The following STAB2 variants were observed in gnomAD, a reference collection of about 807,000 sequenced individuals.
The protein encoded by STAB2 is stabilin-2.
STAB2 carries 288 observed loss-of-function variants against 338.1 expected under a neutral mutation model. The observed-to-expected ratio is 0.85, with a 90% CI of 0.77 to 0.94. The LOEUF (loss-of-function observed/expected upper bound fraction) is 0.94. Among genes scored for constraint, STAB2 ranks in the 40% least tolerant of loss-of-function variants. The probability of loss-of-function intolerance (pLI) is 0.00; values close to 1 mark genes in which losing one functional copy is unlikely to be tolerated. For synonymous variants in STAB2, 1,202 were observed against 1,193.3 expected (o/e 1.01, Z -0.15); for missense variants, 3,141 against 3,210.1 (o/e 0.98, Z 0.52).
intron 25 of STAB2, among the ~76,000 whole-genome samples, chr12:103,681,794 G>T (rs1008822813): frequency 1.1e-4 from 17 of 151,518 alleles, no homozygotes; most frequent in African/African-American, 4.1e-4. Context: ...GCTAATTTTT[G>T]TATTTTTAGT....
At chr12:103,752,173 G>T (rs1201106871) in intron 60 of STAB2, among the ~76,000 whole-genome samples, 2 of 151,990 alleles carry the variant, frequency 1.3e-5, no homozygotes, top group Non-Finnish European at 2.9e-5. Flanking sequence ...TAACATCACA[G>T]AAAATTAGAA....
In STAB2 at chr12:103,762,374, G is replaced by T. The variant is rs372811632; in HGVS notation, c.7460G>T (p.Arg2487Leu). ...LAAYSYFRIN[R>L]RTIGFQHFES... ...GCTTACTCCTACTTTCGGATAAACC[G>T]GAGAACAATCGGCTTCCAGCATTTT... is the stretch of plus-strand genomic sequence containing the variant. The change falls in exon 67 of 69, where the codon CGG becomes CTG. Residue 2487 changes from arginine (R) to leucine (L), a missense_variant. Physicochemically the swap from Arg to Leu is moderately radical, Grantham distance 102. Transcript: ENST00000388887. 1 of 1,614,194 alleles carries T rather than the reference G, an allele frequency of 6.2e-7. No homozygotes were observed. The highest frequency in any genetic ancestry group is 8.5e-7 in the Non-Finnish European group (1 of 1,180,044).
rs114244787 is a variant in STAB2 at position 103,642,693 on chromosome 12, C to A, written c.1040+2437C>A. Among the ~76,000 whole-genome samples, 1,038 of 152,316 alleles carry A rather than the reference C, an allele frequency of 6.8e-3. 13 individuals are homozygous for A. Among genetic ancestry groups the A allele is most frequent in the African/African-American group, 0.023 (970 of 41,574 alleles). On this transcript the variant is annotated intron_variant, in intron 9 of 68. Transcript: ENST00000388887. ...TAGAAGCTCCCATTCTGGCCCTCTG[C>A]TGGCTACTCCAGGGCAAGGAATCTG...
At chr12:103,690,568 T>G in intron 30 of STAB2, 30 bp downstream of exon 30, 1 of 1,579,846 alleles carries the variant, frequency 6.3e-7, no homozygotes, top group Non-Finnish European at 8.7e-7. Flanking sequence ...TCTGTTTACT[T>G]GAAACATAAC....
intron 13 of STAB2, 65 bp from the exon 14 acceptor site, chr12:103,655,186 G>T (rs932307117): frequency 5.5e-6 from 8 of 1,463,216 alleles, no homozygotes; most frequent in Non-Finnish European, 6.6e-6. Flanking sequence ...TTAAATGTTA[G>T]AATTTGTATT....
intron 3 of STAB2, among the ~76,000 whole-genome samples, chr12:103,610,907 C>T (rs201653668): frequency 6.6e-6 from 1 of 152,164 alleles, no homozygotes; most frequent in Non-Finnish European, 1.5e-5. Context: ...TCATTGGTTT[C>T]AAAGAACATC....
chr12:103,621,996 A>G (rs368172498), intron 4 of STAB2, 46 bp from the exon 5 acceptor site: 205 of 1,600,666 alleles, frequency 1.3e-4, no homozygotes, highest in Non-Finnish European at 1.7e-4. Context: ...CCTTGGTACC[A>G]TGGGTCACCT....
chr12:103,677,347 C>T (rs1411156474), intron 24 of STAB2, 106 bp from the exon 25 acceptor site: 6 of 1,426,884 alleles, frequency 4.2e-6, no homozygotes, highest in South Asian at 1.4e-5. Flanking sequence ...TCACTCAATG[C>T]AAATCTGTGT....
In STAB2 at chr12:103,756,103, C is replaced by T. The variant is rs549178043; in HGVS notation, c.6987+385C>T. ...GAACAGTTTAAGAGCATGGTCTACA[C>T]AAATGAGACACTCTTTAATCCTCTT... On this transcript the variant is annotated intron_variant, in intron 63 of 68. Transcript: ENST00000388887. Among the ~76,000 whole-genome samples the T allele has an allele frequency of 1.1e-3, 166 of 152,314 alleles. 1 individual carries two copies. Among genetic ancestry groups the T allele is most frequent in the Middle Eastern group, 3.4e-3 (1 of 294 alleles).
rs756109254 is a variant in STAB2, at chr12:103,766,515, C to G, written c.*179C>G. ...GGTGAGAGATGTGTTGCTGTGCCCA[C>G]CCAGTACAGCTTCCTCCTCTGACCC... On this transcript the variant is annotated 3_prime_UTR_variant, in exon 69 of 69. Transcript: ENST00000388887. 9 of 649,262 alleles carry G rather than the reference C, an allele frequency of 1.4e-5. No individual in the cohort carries two copies. The highest frequency in any genetic ancestry group is 2.3e-5 in the Non-Finnish European group (9 of 385,248). The allele number at this position is 649,262 out of a possible 1,614,324, so 40.2% of individuals were successfully genotyped here. A position where few individuals can be genotyped will look rare whatever the true frequency, so the allele number is the denominator to read the frequency against.
intron 20 of STAB2, chr12:103,669,171 G>A (rs910049011): frequency 1.2e-5 from 3 of 259,308 alleles, no homozygotes; most frequent in Non-Finnish European, 2.2e-5. Context: ...GGCCCTACCT[G>A]CCACCACTGG....
At position 103,638,099 on chromosome 12, in the gene STAB2, C is replaced by T. The variant is rs1957579095; in HGVS notation, c.793C>T (p.Gln265Ter). ...LGPNRHSCTC[Q>*]EGYRGDGQVC... ...ACCAAATCGGCACAGTTGTACATGC[C>T]AAGAAGGCTACCGTGGGGATGGCCA... is the stretch of plus-strand genomic sequence containing the variant. The change falls in exon 8 of 69, where the codon CAA becomes TAA. Residue 265 changes from glutamine to a stop codon, truncating the protein, a stop_gained. Coordinates refer to ENST00000388887, the MANE Select transcript of STAB2 (RefSeq NM_017564.10). LOFTEE classifies it high-confidence loss of function. 1 of 1,614,054 alleles carries T rather than the reference C, an allele frequency of 6.2e-7. No individual in the cohort carries two copies. The highest frequency in any genetic ancestry group is 1.3e-5 in the African/African-American group (1 of 74,900).
Position 103,637,984 on chromosome 12 carries a change from A to G in STAB2, c.710-32A>G, listed in dbSNP as rs765727548. On this transcript the variant is annotated intron_variant, in intron 7 of 68. Coordinates refer to ENST00000388887, the MANE Select transcript of STAB2 (RefSeq NM_017564.10). ...TTTTCCTTCTCCATCCCCGTTAACT[A>G]ACTGCCTCTCATTTTGCTGTTGCCT... The G allele has an allele frequency of 1.9e-6, 3 of 1,592,880 alleles. No individual in the cohort carries two copies. The South Asian group carries it at 3.4e-5, about 18-fold the overall frequency.
intron 65 of STAB2, among the ~76,000 whole-genome samples, chr12:103,760,024 G>A (rs1039321201): frequency 2.0e-5 from 3 of 152,184 alleles, no homozygotes; most frequent in Admixed American, 1.3e-4. Flanking sequence ...TGGTGGATAT[G>A]AGTGGAAGAT....
chr12:103,761,908 G>A (rs1009291354), intron 66 of STAB2, among the ~76,000 whole-genome samples: 1 of 152,172 alleles, frequency 6.6e-6, no homozygotes, highest in African/African-American at 2.4e-5. Flanking sequence ...AAAGCATGAG[G>A]GGAGAGGTGA....
chr12:103,737,676 C>A lies in STAB2; in HGVS notation c.5593C>A (p.Arg1865=), dbSNP rs1275232339. 1 of 1,607,440 alleles carries A rather than the reference C, an allele frequency of 6.2e-7. No individual in the cohort carries two copies. Among genetic ancestry groups the A allele is most frequent in the Non-Finnish European group, 8.5e-7 (1 of 1,178,472 alleles). The change falls in exon 53 of 69, where the codon CGG becomes AGG. Residue 1865 remains arginine, a synonymous_variant. Coordinates refer to ENST00000388887, the MANE Select transcript of STAB2 (RefSeq NM_017564.10). ...LNGQTCRIVQ[R]ELLFDLGVAY... Reference sequence around the variant, plus strand: ...TGGCCAAACCTGCAGAATTGTGCAGCGGGAGCTCTTGTTTGACCTGGGTGT... The same window carrying A: ...TGGCCAAACCTGCAGAATTGTGCAGAGGGAGCTCTTGTTTGACCTGGGTGT...
chr12:103,608,699 C>G (rs1425998178), intron 3 of STAB2, among the ~76,000 whole-genome samples: 4 of 152,270 alleles, frequency 2.6e-5, no homozygotes, highest in South Asian at 2.1e-4. Flanking sequence ...AATTAGATCC[C>G]ATTTGTCAAT....
intron 60 of STAB2, among the ~76,000 whole-genome samples, chr12:103,751,672 A>G (rs1446463228): frequency 6.6e-6 from 1 of 152,200 alleles, no homozygotes; most frequent in Non-Finnish European, 1.5e-5. Flanking sequence ...TGGGACTGTG[A>G]AGTCAAGAAG....
intron 3 of STAB2, among the ~76,000 whole-genome samples, chr12:103,596,709 A>G (rs560234708): frequency 6.6e-6 from 1 of 152,300 alleles, no homozygotes; most frequent in South Asian, 2.1e-4. Context: ...TGAGCAGGCA[A>G]AAAGGATTCA....
Sources: gnomAD v4.1 joint callset for allele counts (sites outside exome capture counted in the v4.1 genomes callset) on GRCh38, gnomAD v4.1.1 for gene constraint, MANE v1.5 for transcripts, NCBI Gene and HGNC (gene_info 2026-07-23, HGNC 2026-07-21) for gene names.